The following FAM185A variants were observed in gnomAD, a reference collection of about 807,000 sequenced individuals.
The protein encoded by FAM185A is family with sequence similarity 185 member A, also known as protein FAM185A.
In FAM185A, 21 loss-of-function variants were observed where a neutral mutation model predicts 45.7. That is an observed-to-expected ratio of 0.46 (90% confidence interval 0.33 to 0.66). The LOEUF is 0.66. FAM185A is among the 30% of genes least tolerant of loss of function. The pLI, the probability that FAM185A is intolerant of heterozygous loss-of-function variation, is 0.03. For synonymous variants in FAM185A, 117 were observed against 194.0 expected, an observed-to-expected ratio of 0.60 and a Z score of 3.30; for missense variants, 305 against 485.4, an observed-to-expected ratio of 0.63 and a Z score of 3.49.
At chr7:102,802,008 T>A (rs1796830344) in intron 7 of FAM185A, among the ~76,000 whole-genome samples, 1 of 151,768 alleles carries the variant, frequency 6.6e-6, no homozygotes, top group African/African-American at 2.4e-5. Flanking sequence ...TAAACATTTA[T>A]GCACCTACCA....
At chr7:102,787,242 A>T in intron 6 of FAM185A, 93 bp from the exon 7 acceptor site, 2 of 965,680 alleles carry the variant, frequency 2.1e-6, no homozygotes, top group Non-Finnish European at 2.8e-6. Context: ...ACAGTGTCTC[A>T]GGAGCAATGC....
the FAM185A span, chr7:102,827,049 C>A: frequency 4.8e-6 from 2 of 415,068 alleles, no homozygotes; most frequent in Non-Finnish European, 1.0e-5. Context: ...TGTTTCCTCA[C>A]CTCTTGAATC....
chr7:102,813,324 C>A, downstream of FAM185A: 1 of 1,568,900 alleles, frequency 6.4e-7, no homozygotes, highest in South Asian at 1.2e-5. Flanking sequence ...TTTTGTTCTT[C>A]CTGCTTGAGG....
intron 1 of FAM185A, 79 bp from the exon 2 acceptor site, chr7:102,751,613 G>T: frequency 6.9e-7 from 1 of 1,443,678 alleles, no homozygotes; most frequent in Non-Finnish European, 9.2e-7. Context: ...CATAACTGAG[G>T]AGTTGGGTTT....
intron 4 of FAM185A, among the ~76,000 whole-genome samples, chr7:102,771,241 A>G (rs531712144): frequency 6.6e-6 from 1 of 152,020 alleles, no homozygotes; most frequent in East Asian, 1.9e-4. Flanking sequence ...AAGGGTTGAA[A>G]AACTATTGGG....
the FAM185A span, among the ~76,000 whole-genome samples, chr7:102,848,968 C>A: frequency 9.9e-5 from 15 of 152,162 alleles, no homozygotes; most frequent in Non-Finnish European, 1.6e-4. Flanking sequence ...CCATTGCACT[C>A]CAGCTTGGGC....
downstream of FAM185A, chr7:102,813,650 C>T (rs958880031): frequency 1.0e-6 from 1 of 983,442 alleles, no homozygotes. Flanking sequence ...TCACATGAGA[C>T]CTCTCTTGCC....
At chr7:102,835,521 G>A in the FAM185A span, among the ~76,000 whole-genome samples, 1 of 151,258 alleles carries the variant, frequency 6.6e-6, no homozygotes, top group East Asian at 1.9e-4. Flanking sequence ...TTGGTTCACT[G>A]ATCCTTTATG....
intron 7 of FAM185A, among the ~76,000 whole-genome samples, chr7:102,800,307 C>T (rs2537388): frequency 6.6e-6 from 1 of 152,222 alleles, no homozygotes; most frequent in African/African-American, 2.4e-5. Context: ...AACCAGAAAA[C>T]TGTGTTGGTT....
chr7:102,841,613 C>T, the FAM185A span, among the ~76,000 whole-genome samples: 1 of 152,244 alleles, frequency 6.6e-6, no homozygotes, highest in African/African-American at 2.4e-5. Flanking sequence ...TCAAATCCCA[C>T]ATCCTTTGAA....
the FAM185A span, among the ~76,000 whole-genome samples, chr7:102,834,086 AAAAGAAAGAAAGAAAGAAAGAAAGAAAG>A: frequency 1.1e-5 from 1 of 93,678 alleles, no homozygotes; most frequent in Non-Finnish European, 2.0e-5. Context: ...GGAAGGAAAG[AAAAGAAAGAAAGAAAGAAAGAAAGAAAG>A]AAAGAAAGAA....
the FAM185A span, among the ~76,000 whole-genome samples, chr7:102,836,810 T>A: frequency 2.0e-5 from 3 of 148,162 alleles, no homozygotes; most frequent in African/African-American, 7.3e-5. Flanking sequence ...AATAATGTGC[T>A]TCTGCCAAAA....
the FAM185A span, chr7:102,833,027 G>A: frequency 6.3e-7 from 1 of 1,590,722 alleles, no homozygotes; most frequent in Non-Finnish European, 8.6e-7. Context: ...ATCTAGAACT[G>A]TCTTACTTAT....
At chr7:102,799,396 G>A (rs1440088515) in intron 7 of FAM185A, among the ~76,000 whole-genome samples, 1 of 152,214 alleles carries the variant, frequency 6.6e-6, no homozygotes, top group Non-Finnish European at 1.5e-5. Flanking sequence ...ATGGCTCAGA[G>A]TGAAAGGGAG....
At chr7:102,787,081 CT>C (rs1562868421) in intron 6 of FAM185A, among the ~76,000 whole-genome samples, 1 of 152,092 alleles carries the variant, frequency 6.6e-6, no homozygotes, top group East Asian at 1.9e-4. Flanking sequence ...CTGTGTAGGA[CT>C]ATTGGCAAAA....
chr7:102,827,738 C>T, the FAM185A span, among the ~76,000 whole-genome samples: 3 of 152,024 alleles, frequency 2.0e-5, no homozygotes, highest in Non-Finnish European at 4.4e-5. Context: ...CATGTGTTCT[C>T]ATTGTTCAAT....
chr7:102,768,829 A>G (rs1794571066), intron 4 of FAM185A, among the ~76,000 whole-genome samples: 2 of 152,052 alleles, frequency 1.3e-5, no homozygotes, highest in South Asian at 4.1e-4. Flanking sequence ...GTTATTACAG[A>G]CCATCTGGTG....
intron 7 of FAM185A, among the ~76,000 whole-genome samples, chr7:102,807,364 G>A (rs543346541): frequency 7.2e-5 from 11 of 152,158 alleles, no homozygotes; most frequent in African/African-American, 2.7e-4. Context: ...AGTTTATCTT[G>A]TCAGTTATAC....
At chr7:102,847,199 C>G in the FAM185A span, among the ~76,000 whole-genome samples, 1 of 150,774 alleles carries the variant, frequency 6.6e-6, no homozygotes, top group Non-Finnish European at 1.5e-5. Flanking sequence ...CCCTTCAAAA[C>G]TTTACAGGAA....
Sources: gnomAD v4.1 joint callset for allele counts (sites outside exome capture counted in the v4.1 genomes callset) on GRCh38, gnomAD v4.1.1 for gene constraint, MANE v1.5 for transcripts, NCBI Gene and HGNC (gene_info 2026-07-23, HGNC 2026-07-21) for gene names.